The following CDH13 variants were observed in gnomAD, a reference collection of about 807,000 sequenced individuals.
CDH13 encodes cadherin-13.
CDH13 carries 24 observed loss-of-function variants against 63.8 expected under a neutral mutation model. The observed-to-expected ratio is 0.38, with a 90% CI of 0.27 to 0.53. The LOEUF (loss-of-function observed/expected upper bound fraction) is 0.53, where lower values mean the gene tolerates loss of function less well. Ranked by LOEUF, CDH13 falls within the 20% of genes least tolerant of loss-of-function variation. The probability of loss-of-function intolerance (pLI) is 0.85; values close to 1 mark genes in which losing one functional copy is unlikely to be tolerated. For synonymous variants in CDH13, 503 were observed against 355.3 expected (o/e 1.42, Z -4.67); for missense variants, 1,049 against 903.1 (o/e 1.16, Z -2.07).
At chr16:83,010,913 T>A (rs1408083147) in intron 2 of CDH13, among the ~76,000 whole-genome samples, 1 of 152,218 alleles carries the variant, frequency 6.6e-6, no homozygotes. Flanking sequence ...TCTTAGCATT[T>A]TGTGGCTGAA....
intron 8 of CDH13, among the ~76,000 whole-genome samples, chr16:83,637,304 C>T (rs1240543818): frequency 1.3e-4 from 1 of 7,898 alleles, no homozygotes; most frequent in Admixed American, 3.9e-3. Context: ...CAGCTCCCAG[C>T]GTGAGCGCTC....
chr16:83,059,204 C>G (rs1425779924), intron 3 of CDH13, among the ~76,000 whole-genome samples: 2 of 152,138 alleles, frequency 1.3e-5, no homozygotes, highest in African/African-American at 2.4e-5. Context: ...TCTGGGAACC[C>G]TATGAAATGC....
chr16:82,792,349 CTATTTGA>C (rs2036352998), intron 1 of CDH13, among the ~76,000 whole-genome samples: 2 of 152,146 alleles, frequency 1.3e-5, no homozygotes, highest in Admixed American at 6.5e-5. Flanking sequence ...CACTAGCCTA[CTATTTGA>C]TATTTGTGCG....
chr16:83,777,385 G>A (rs755066804), intron 11 of CDH13, among the ~76,000 whole-genome samples: 2 of 152,230 alleles, frequency 1.3e-5, no homozygotes, highest in African/African-American at 4.8e-5. Flanking sequence ...TGCATGTAGA[G>A]CCACATGGGG....
chr16:83,314,964 C>A (rs139419358), intron 5 of CDH13, among the ~76,000 whole-genome samples: 1 of 152,296 alleles, frequency 6.6e-6, no homozygotes, highest in Non-Finnish European at 1.5e-5. Flanking sequence ...CTTGAAAAGA[C>A]TTGGGAGGTG....
At chr16:83,508,151 GGAGGCGAGGGGAGGGGAGGA>G (rs1432061638) in intron 7 of CDH13, among the ~76,000 whole-genome samples, 2 of 125,222 alleles carry the variant, frequency 1.6e-5, no homozygotes, top group African/African-American at 6.0e-5. Context: ...GGAGGGGAGG[GGAGGCGAGGGGAGGGGAGGA>G]GAGGGGAGGA....
At chr16:83,031,394 A>AC (rs1236546043) in intron 2 of CDH13, among the ~76,000 whole-genome samples, 1 of 143,908 alleles carries the variant, frequency 6.9e-6, no homozygotes, top group Non-Finnish European at 1.5e-5. Context: ...ATATGTATAT[A>AC]CATATACATG....
intron 8 of CDH13, among the ~76,000 whole-genome samples, chr16:83,644,649 C>A (rs996368233): frequency 6.6e-6 from 1 of 152,216 alleles, no homozygotes; most frequent in Admixed American, 6.5e-5. Context: ...TGCAAATGGG[C>A]TGCCATACAG....
At chr16:83,541,907 G>GC (rs1301076449) in intron 7 of CDH13, among the ~76,000 whole-genome samples, 4 of 152,200 alleles carry the variant, frequency 2.6e-5, no homozygotes, top group Non-Finnish European at 5.9e-5. Context: ...TGGGACAGAG[G>GC]CTGTGTCTTT....
intron 6 of CDH13, among the ~76,000 whole-genome samples, chr16:83,403,053 T>C (rs911122456): frequency 5.3e-5 from 8 of 152,188 alleles, no homozygotes; most frequent in African/African-American, 1.4e-4. Context: ...CAGCTGCTTC[T>C]GAAGCCCAAG....
At chr16:83,724,445 A>G (rs1455516271) in intron 10 of CDH13, among the ~76,000 whole-genome samples, 1 of 150,398 alleles carries the variant, frequency 6.6e-6, no homozygotes, top group Admixed American at 6.6e-5. Context: ...TGGGTGGATG[A>G]TGAATGCATG....
intron 3 of CDH13, among the ~76,000 whole-genome samples, chr16:83,078,078 G>T (rs2032978013): frequency 6.6e-6 from 1 of 152,180 alleles, no homozygotes; most frequent in Non-Finnish European, 1.5e-5. Context: ...GACCTGAGAT[G>T]AGAGTCAGCT....
chr16:82,833,878 T>C (rs1313805606), intron 1 of CDH13, among the ~76,000 whole-genome samples: 1 of 152,192 alleles, frequency 6.6e-6, no homozygotes, highest in East Asian at 1.9e-4. Context: ...GATCGACATG[T>C]GAGCCCAGAG....
intron 4 of CDH13, among the ~76,000 whole-genome samples, chr16:83,194,939 C>T (rs1386654125): frequency 6.6e-6 from 1 of 152,174 alleles, no homozygotes; most frequent in Non-Finnish European, 1.5e-5. Flanking sequence ...AAACCCATAA[C>T]ACCATGAAAT....
chr16:83,012,991 T>C (rs574478599), intron 2 of CDH13, among the ~76,000 whole-genome samples: 1 of 152,224 alleles, frequency 6.6e-6, no homozygotes, highest in Non-Finnish European at 1.5e-5. Context: ...TGGTTAATCA[T>C]GGAACTGATG....
At chr16:82,794,133 G>T (rs1311348578) in intron 1 of CDH13, among the ~76,000 whole-genome samples, 3 of 151,188 alleles carry the variant, frequency 2.0e-5, no homozygotes, top group Admixed American at 6.6e-5. Flanking sequence ...AGTTCGTAAA[G>T]TTTCTTAAAA....
intron 1 of CDH13, chr16:82,844,794 C>G (rs1171012637): frequency 7.7e-6 from 1 of 129,516 alleles, no homozygotes; most frequent in Admixed American, 7.8e-5. Context: ...CGCCCGCCAC[C>G]AAGCCCTGCT....
intron 6 of CDH13, among the ~76,000 whole-genome samples, chr16:83,366,038 C>G (rs7198902): frequency 0.24 from 36,385 of 152,080 alleles, 4,367 homozygotes; most frequent in Middle Eastern, 0.35. Flanking sequence ...TTTTAAGCCA[C>G]TTAATTTATG....
intron 8 of CDH13, among the ~76,000 whole-genome samples, chr16:83,649,415 G>T (rs56276031): frequency 0.15 from 22,369 of 152,144 alleles, 1,785 homozygotes; most frequent in East Asian, 0.26. Flanking sequence ...GAGGAAATAC[G>T]GGCCCCTCTT....
Sources: gnomAD v4.1 joint callset for allele counts (sites outside exome capture counted in the v4.1 genomes callset) on GRCh38, gnomAD v4.1.1 for gene constraint, MANE v1.5 for transcripts, NCBI Gene and HGNC (gene_info 2026-07-23, HGNC 2026-07-21) for gene names.